CDH4: variants seen among roughly 807,000 people sequenced by gnomAD.
The protein encoded by CDH4 is cadherin-4.
A neutral mutation model predicts 86.0 loss-of-function variants in CDH4; 33 were observed. The observed-to-expected ratio is 0.38, with a 90% CI of 0.29 to 0.51. CDH4 has a LOEUF of 0.51. Ranked by LOEUF, CDH4 falls within the 20% of genes least tolerant of loss-of-function variation. The pLI, the probability that CDH4 is intolerant of heterozygous loss-of-function variation, is 0.86. For missense variants in CDH4, 1,114 were observed against 1,307.4 expected (o/e 0.85, Z 2.28); for synonymous variants, 555 against 549.4 (o/e 1.01, Z -0.14).
intron 2 of CDH4, among the ~76,000 whole-genome samples, chr20:61,394,948 GA>G (rs2085008597): frequency 6.9e-6 from 1 of 144,024 alleles, no homozygotes; most frequent in East Asian, 2.1e-4. Context: ...GTCCATCCTG[GA>G]AAAGCGCTCC....
intron 2 of CDH4, among the ~76,000 whole-genome samples, chr20:61,454,358 G>A (rs973159083): frequency 6.6e-5 from 10 of 152,204 alleles, no homozygotes; most frequent in Admixed American, 1.3e-4. Flanking sequence ...GTTGTGATGG[G>A]AGGGGCACCC....
intron 4 of CDH4, among the ~76,000 whole-genome samples, chr20:61,833,130 G>A (rs6061853): frequency 0.49 from 73,979 of 151,626 alleles, 19,352 homozygotes; most frequent in Non-Finnish European, 0.6. Flanking sequence ...TACTCAGCCC[G>A]CATGATCCAG....
chr20:61,929,483 A>C (rs2055081659), intron 12 of CDH4, 126 bp from the exon 13 acceptor site: 1 of 681,724 alleles, frequency 1.5e-6, no homozygotes, highest in East Asian at 2.7e-5. Flanking sequence ...GTATGTATGT[A>C]TGTGTGGTAA....
intron 2 of CDH4, among the ~76,000 whole-genome samples, chr20:61,624,082 A>ATT (rs2086805485): frequency 6.6e-6 from 1 of 152,136 alleles, no homozygotes; most frequent in Non-Finnish European, 1.5e-5. Context: ...CTGGAGCTGC[A>ATT]TTTCCTCATC....
chr20:61,624,243 C>T (rs529692983), intron 2 of CDH4, among the ~76,000 whole-genome samples: 16 of 152,342 alleles, frequency 1.1e-4, no homozygotes, highest in Admixed American at 5.2e-4. Context: ...AAGATACTAG[C>T]AGTCGCTAAG....
rs771041116 is a variant in CDH4 at position 61,643,898 on chromosome 20, GA to G, written c.170-99664del. 4.6e-5 allele frequency among the ~76,000 whole-genome samples: 7 copies of G among 152,356 alleles called. No individual in the cohort carries two copies. The East Asian group carries it at 7.7e-4, about 17-fold the overall frequency. Reference sequence around the variant, plus strand: ...TACATGAGTCCAGAAAAAAATAAATGATTCCAACACTAGTTAAAGAAGGCAA... The same window carrying G: ...TACATGAGTCCAGAAAAAAATAAATGTTCCAACACTAGTTAAAGAAGGCAA... On this transcript the variant is annotated intron_variant, in intron 2 of 15. Coordinates refer to ENST00000614565, the MANE Select transcript of CDH4 (RefSeq NM_001794.5).
At chr20:61,639,942 G>A (rs1048571614) in intron 2 of CDH4, among the ~76,000 whole-genome samples, 4 of 152,014 alleles carry the variant, frequency 2.6e-5, no homozygotes, top group African/African-American at 9.7e-5. Context: ...AACCCAGCTC[G>A]GCTTCGTCAT....
chr20:61,643,501 T>C (rs1436914190), intron 2 of CDH4, among the ~76,000 whole-genome samples: 1 of 152,214 alleles, frequency 6.6e-6, no homozygotes, highest in African/African-American at 2.4e-5. Flanking sequence ...ACCACACCTC[T>C]GGAGAGAGGG....
chr20:61,549,878 A>G (rs2086114839), intron 2 of CDH4, among the ~76,000 whole-genome samples: 1 of 152,186 alleles, frequency 6.6e-6, no homozygotes, highest in Non-Finnish European at 1.5e-5. Flanking sequence ...GCTTTGCAGA[A>G]TGGGCGCTTC....
intron 7 of CDH4, among the ~76,000 whole-genome samples, chr20:61,887,051 T>C (rs1202624837): frequency 6.6e-6 from 1 of 152,212 alleles, no homozygotes; most frequent in African/African-American, 2.4e-5. Flanking sequence ...CAAGGAGGCC[T>C]GTTTGCAGGA....
At chr20:61,910,356 G>A (rs562642027) in intron 8 of CDH4, 66 bp from the exon 9 acceptor site, 15 of 1,394,832 alleles carry the variant, frequency 1.1e-5, no homozygotes, top group South Asian at 6.0e-5. Context: ...CATATGCTAC[G>A]TGCACTTCTC....
intron 2 of CDH4, among the ~76,000 whole-genome samples, chr20:61,571,139 G>A (rs1600769805): frequency 6.6e-6 from 1 of 152,100 alleles, no homozygotes; most frequent in Non-Finnish European, 1.5e-5. Context: ...CCGCCTGCAG[G>A]GTCCTTTCCT....
intron 2 of CDH4, among the ~76,000 whole-genome samples, chr20:61,279,062 C>G (rs1321979906): frequency 6.6e-6 from 1 of 152,218 alleles, no homozygotes; most frequent in Non-Finnish European, 1.5e-5. Flanking sequence ...AAGATCCTCC[C>G]CACAGGCCTC....
rs899078099 is a variant in CDH4 at position 61,727,798 on chromosome 20, G to A, written c.170-15765G>A. 2.6e-5 allele frequency among the ~76,000 whole-genome samples: 4 copies of A among 152,256 alleles called. No homozygotes were observed. In the South Asian group the frequency reaches 6.2e-4, roughly 24 times the overall value. On this transcript the variant is annotated intron_variant, in intron 2 of 15. Coordinates refer to ENST00000614565, the MANE Select transcript of CDH4 (RefSeq NM_001794.5). ...TTGAGAATGGCACTAGGGAATTCAT[G>A]AGACATCTGTCCCCATGACCCAAAT... is the stretch of plus-strand genomic sequence containing the variant.
intron 4 of CDH4, among the ~76,000 whole-genome samples, chr20:61,827,708 G>A (rs556990013): frequency 6.6e-6 from 1 of 152,334 alleles, no homozygotes; most frequent in African/African-American, 2.4e-5. Flanking sequence ...GTGCTTCTTA[G>A]AGAAAATTTA....
chr20:61,719,517 T>G (rs761573066), intron 2 of CDH4: 12 of 212,198 alleles, frequency 5.7e-5, no homozygotes, highest in South Asian at 1.6e-4. Flanking sequence ...CAAAGAGAGA[T>G]AATTTCTCGG....
At chr20:61,258,230 T>A (rs111513772) in intron 2 of CDH4, among the ~76,000 whole-genome samples, 25,488 of 144,734 alleles carry the variant, frequency 0.18, 2,809 homozygotes, top group African/African-American at 0.32. Flanking sequence ...CGTGAGAGGC[T>A]GAGGCAGGAG....
At chr20:61,254,022 T>C (rs1385200380) in intron 1 of CDH4, among the ~76,000 whole-genome samples, 1 of 152,192 alleles carries the variant, frequency 6.6e-6, no homozygotes, top group African/African-American at 2.4e-5. Flanking sequence ...CCCAGAAGCT[T>C]GGTCGGAGGG....
chr20:61,807,990 G>A lies in CDH4; in HGVS notation c.576+34808G>A, dbSNP rs553946601. 5.9e-5 allele frequency among the ~76,000 whole-genome samples: 9 copies of A among 152,324 alleles called. No individual in the cohort carries two copies. The highest frequency in any genetic ancestry group is 1.9e-4 in the East Asian group (1 of 5,164). On this transcript the variant is annotated intron_variant, in intron 4 of 15. Coordinates refer to ENST00000614565, the MANE Select transcript of CDH4 (RefSeq NM_001794.5). The surrounding 1 kb of genome is among the most constrained non-coding windows in gnomAD (Gnocchi z 4.5). ...CCATAGCAGCGATGAGCCCACACACGTCTCCAGCCCTGACAATGAACCAGT... is the reference window on the plus strand; with the variant it reads ...CCATAGCAGCGATGAGCCCACACACATCTCCAGCCCTGACAATGAACCAGT...
Sources: gnomAD v4.1 joint callset for allele counts (sites outside exome capture counted in the v4.1 genomes callset) on GRCh38, gnomAD v4.1.1 for gene constraint, Gnocchi (gnomAD v3.1) non-coding constraint, MANE v1.5 for transcripts, NCBI Gene and HGNC (gene_info 2026-07-23, HGNC 2026-07-21) for gene names.